The following UGT1A8 variants were observed in gnomAD, a reference collection of about 807,000 sequenced individuals.
The protein encoded by UGT1A8 is UDP-glucuronosyltransferase 1A8.
A neutral mutation model predicts 45.3 loss-of-function variants in UGT1A8; 39 were observed. That is an observed-to-expected ratio of 0.86 (90% confidence interval 0.67 to 1.12). UGT1A8 has a LOEUF of 1.12. UGT1A8 is among the 50% of genes most tolerant of loss of function. The pLI is 0.00. For synonymous variants in UGT1A8, 275 were observed against 249.2 expected (o/e 1.10, Z -0.97); for missense variants, 719 against 664.9 (o/e 1.08, Z -0.90).
At chr2:233,716,672 C>G (rs2076519227) in intron 1 of UGT1A8, among the ~76,000 whole-genome samples, 1 of 151,920 alleles carries the variant, frequency 6.6e-6, no homozygotes, top group Admixed American at 6.6e-5. Context: ...CTTTGTTTAC[C>G]CCAAGATATA....
At chr2:233,665,627 G>A (rs1045180735) in intron 1 of UGT1A8, among the ~76,000 whole-genome samples, 1 of 152,182 alleles carries the variant, frequency 6.6e-6, no homozygotes, top group African/African-American at 2.4e-5. Context: ...AATTTCAGTG[G>A]GCTCTGAGGT....
chr2:233,656,772 T>C (rs961941286), intron 1 of UGT1A8, among the ~76,000 whole-genome samples: 2 of 152,084 alleles, frequency 1.3e-5, no homozygotes, highest in Non-Finnish European at 2.9e-5. Context: ...TTCTTTGGGG[T>C]CCCGCTGGCC....
intron 1 of UGT1A8, among the ~76,000 whole-genome samples, chr2:233,706,103 A>C (rs564369770): frequency 1.5e-4 from 23 of 152,178 alleles, no homozygotes; most frequent in South Asian, 4.2e-4. Context: ...TTAAAAAAAA[A>C]CCAAGAATTT....
intron 1 of UGT1A8, among the ~76,000 whole-genome samples, chr2:233,735,215 A>G (rs1250944794): frequency 6.6e-6 from 1 of 152,166 alleles, no homozygotes; most frequent in Non-Finnish European, 1.5e-5. Flanking sequence ...GGGTGCATAT[A>G]TATTTAGGAT....
chr2:233,618,289 C>A lies in UGT1A8; in HGVS notation c.582C>A (p.Leu194=). The change falls in exon 1 of 5, where the codon CTC becomes CTA. Residue 194 remains leucine (L), a synonymous_variant. Coordinates refer to ENST00000373450, the MANE Select transcript of UGT1A8 (RefSeq NM_019076.5). ...CTCTTTCCTATGTCCCCAGAATTCT[C>A]TTAGGGTTCTCAGATGCCATGACTT... ...PAPLSYVPRI[L]LGFSDAMTFK... 2 of 1,613,882 alleles carry A rather than the reference C, an allele frequency of 1.2e-6. No individual in the cohort carries two copies. Among genetic ancestry groups the A allele is most frequent in the East Asian group, 2.2e-5 (1 of 44,864 alleles).
intron 1 of UGT1A8, among the ~76,000 whole-genome samples, chr2:233,661,814 T>C (rs2073977746): frequency 6.6e-6 from 1 of 151,888 alleles, no homozygotes; most frequent in Non-Finnish European, 1.5e-5. Context: ...CTCTGCTTCA[T>C]GGGAGCACTT....
chr2:233,671,505 A>G (rs959884097), intron 1 of UGT1A8, among the ~76,000 whole-genome samples: 14 of 152,238 alleles, frequency 9.2e-5, no homozygotes, highest in Middle Eastern at 3.2e-3. Flanking sequence ...ATGAGTTGCC[A>G]TCTTCTCTGG....
chr2:233,679,366 G>C (rs541189452), intron 1 of UGT1A8, among the ~76,000 whole-genome samples: 1 of 152,334 alleles, frequency 6.6e-6, no homozygotes, highest in South Asian at 2.1e-4. Context: ...CAATAAAACT[G>C]TCAGTGAGTG....
At chr2:233,679,128 T>G (rs1018713761) in intron 1 of UGT1A8, among the ~76,000 whole-genome samples, 1 of 152,218 alleles carries the variant, frequency 6.6e-6, no homozygotes, top group Non-Finnish European at 1.5e-5. Flanking sequence ...TTAAGACACC[T>G]GATTGAGAGA....
In UGT1A8 at chr2:233,681,530, CAAAAAAA is replaced by C. The variant is rs747693860; in HGVS notation, c.855+62986_855+62992del. 2.1e-3 allele frequency among the ~76,000 whole-genome samples: 167 copies of C among 77,724 alleles called. 2 individuals carry two copies. Among genetic ancestry groups the C allele is most frequent in the East Asian group, 7.3e-4 (2 of 2,728 alleles). The allele number at this position is 77,724 out of a possible 152,430, so 51.0% of individuals were successfully genotyped here. On this transcript the variant is annotated intron_variant, in intron 1 of 4. Coordinates refer to ENST00000373450, the MANE Select transcript of UGT1A8 (RefSeq NM_019076.5). ...TGGATGACACAGTGAGACTCCATCT[CAAAAAAA>C]AAAAAAAAAAAAAAAAATTGCAAAT...
rs766378407 is a variant in UGT1A8 at position 233,617,691 on chromosome 2, C to T, written c.-17C>T. The T allele has an allele frequency of 2.4e-5, 38 of 1,602,936 alleles. No homozygotes were observed. The highest frequency in any genetic ancestry group is 1.7e-4 in the Admixed American group (10 of 59,218). On this transcript the variant is annotated 5_prime_UTR_variant, in exon 1 of 5. Transcript: ENST00000373450. ...CAGCTTAGAATCCCAGCTGCTGGCTCGGGCTGCAGTTCTCTCATGGCTCGC... is the reference window on the plus strand; with the variant it reads ...CAGCTTAGAATCCCAGCTGCTGGCTTGGGCTGCAGTTCTCTCATGGCTCGC...
chr2:233,753,489 A>C (rs964194118), intron 1 of UGT1A8: 3 of 151,990 alleles, frequency 2.0e-5, no homozygotes, highest in African/African-American at 7.3e-5. Context: ...TGCTGCTCTT[A>C]ATTTTTTTCA....
intron 1 of UGT1A8, among the ~76,000 whole-genome samples, chr2:233,622,417 G>C (rs983075038): frequency 6.6e-6 from 1 of 151,960 alleles, no homozygotes; most frequent in Non-Finnish European, 1.5e-5. Flanking sequence ...TTTAATGATC[G>C]CCATTCTAAT....
chr2:233,662,075 T>G (rs1010603923), intron 1 of UGT1A8, among the ~76,000 whole-genome samples: 6 of 152,216 alleles, frequency 3.9e-5, no homozygotes, highest in Non-Finnish European at 8.8e-5. Flanking sequence ...AATAGTACAG[T>G]AGGCACAGTT....
chr2:233,721,851 C>A, intron 1 of UGT1A8: 1 of 513,702 alleles, frequency 1.9e-6, no homozygotes, highest in South Asian at 1.4e-5. Context: ...TCCAGCCCCA[C>A]TGCTCGGCCC....
At chr2:233,768,166 A>G in intron 3 of UGT1A8, 54 bp from the exon 4 acceptor site, 2 of 1,613,684 alleles carry the variant, frequency 1.2e-6, no homozygotes, top group Non-Finnish European at 1.7e-6. Flanking sequence ...AGATGTGTCC[A>G]GCTGTGAAAC....
chr2:233,768,401 T>C lies in UGT1A8; in HGVS notation c.1257T>C (p.Asp419=), dbSNP rs767318575. The change falls in exon 4 of 5, where the codon GAT becomes GAC. Residue 419 remains aspartate (D), a synonymous_variant. Coordinates refer to ENST00000373450, the MANE Select transcript of UGT1A8 (RefSeq NM_019076.5). ...TLNVLEMTSE[D]LENALKAVIN... is the part of the protein sequence containing the mutation. The stretch of plus-strand genomic sequence containing the variant: ...ATGTTCTGGAAATGACTTCTGAAGA[T>C]TTAGAAAATGCTCTAAAAGCAGTCA... 1 of 1,614,148 alleles carries C rather than the reference T, an allele frequency of 6.2e-7. No homozygotes were observed. The highest frequency in any genetic ancestry group is 1.3e-5 in the African/African-American group (1 of 75,034).
chr2:233,618,584 A>C (rs961648094), intron 1 of UGT1A8, 22 bp downstream of exon 1: 1 of 1,592,052 alleles, frequency 6.3e-7, no homozygotes, highest in Admixed American at 1.7e-5. Flanking sequence ...CTCCTTTAGC[A>C]CATTAGGAAT....
At chr2:233,644,570 G>GAATAAATAAATA (rs142251670) in intron 1 of UGT1A8, among the ~76,000 whole-genome samples, 4 of 151,168 alleles carry the variant, frequency 2.6e-5, no homozygotes, top group African/African-American at 9.7e-5. Flanking sequence ...CAAAAAATAA[G>GAATAAATAAATA]AATAAATAAA....
Sources: allele counts gnomAD v4.1 joint callset (sites outside exome capture counted in the v4.1 genomes callset), GRCh38; gene constraint gnomAD v4.1.1; transcripts MANE v1.5; gene names NCBI Gene and HGNC (gene_info 2026-07-23, HGNC 2026-07-21).